SGMS1: variants seen among roughly 807,000 people sequenced by gnomAD.
SGMS1 encodes phosphatidylcholine:ceramide cholinephosphotransferase 1.
In SGMS1, 13 loss-of-function variants were observed where a neutral mutation model predicts 46.2. That is an observed-to-expected ratio of 0.28 (90% CI 0.18 to 0.45). SGMS1 has a LOEUF of 0.45. Ranked by LOEUF, SGMS1 falls within the 20% of genes least tolerant of loss-of-function variation. The pLI, the probability that SGMS1 is intolerant of heterozygous loss-of-function variation, is 1.00. For missense variants in SGMS1, 324 were observed against 519.9 expected, an observed-to-expected ratio of 0.62 and a Z score of 3.66; for synonymous variants, 203 against 187.8, an observed-to-expected ratio of 1.08 and a Z score of -0.66.
At chr10:50,467,331 G>A (rs1837339391) in intron 3 of SGMS1, among the ~76,000 whole-genome samples, 1 of 152,108 alleles carries the variant, frequency 6.6e-6, no homozygotes, top group Admixed American at 6.6e-5. Context: ...ACCACCCTGG[G>A]ATAAATTTTC....
chr10:50,382,787 G>C (rs562189889), intron 6 of SGMS1, among the ~76,000 whole-genome samples: 1 of 152,136 alleles, frequency 6.6e-6, no homozygotes, highest in Non-Finnish European at 1.5e-5. Flanking sequence ...TCATACGACT[G>C]TCACTCTGGG....
intron 8 of SGMS1, among the ~76,000 whole-genome samples, chr10:50,317,639 CTTGTTGTTG>C (rs1383375142): frequency 6.6e-6 from 1 of 152,100 alleles, no homozygotes; most frequent in African/African-American, 2.4e-5. Flanking sequence ...TTTTGTTGTT[CTTGTTGTTG>C]TTCTAATGAA....
chr10:50,582,315 A>C (rs1236967168), intron 2 of SGMS1, among the ~76,000 whole-genome samples: 1 of 152,172 alleles, frequency 6.6e-6, no homozygotes, highest in Non-Finnish European at 1.5e-5. Context: ...CTCGAGAAAA[A>C]AATCTCCTTC....
intron 6 of SGMS1, among the ~76,000 whole-genome samples, chr10:50,353,132 C>G (rs1398582441): frequency 1.3e-5 from 2 of 152,120 alleles, no homozygotes; most frequent in African/African-American, 4.8e-5. Context: ...AGAGACACAA[C>G]AAAAAAAGAG....
At chr10:50,449,909 G>A (rs1408546263) in intron 5 of SGMS1, among the ~76,000 whole-genome samples, 2 of 151,800 alleles carry the variant, frequency 1.3e-5, no homozygotes, top group Non-Finnish European at 1.5e-5. Flanking sequence ...GTCTAAAGGA[G>A]GGCCTAGAAA....
intron 2 of SGMS1, among the ~76,000 whole-genome samples, chr10:50,558,760 T>A (rs1037901330): frequency 1.3e-5 from 2 of 152,212 alleles, no homozygotes; most frequent in Admixed American, 6.5e-5. Flanking sequence ...TTTATGATGA[T>A]CCACTTCCAC....
intron 7 of SGMS1, among the ~76,000 whole-genome samples, chr10:50,332,239 C>G (rs1040176436): frequency 5.3e-5 from 8 of 152,152 alleles, no homozygotes; most frequent in Non-Finnish European, 7.4e-5. Context: ...TTGAACACAG[C>G]TTGCGAAGTC....
intron 6 of SGMS1, among the ~76,000 whole-genome samples, chr10:50,420,135 G>A (rs1360950355): frequency 4.6e-5 from 7 of 152,088 alleles, no homozygotes. Context: ...TTAGCAACAG[G>A]TACTTAAGTT....
chr10:50,311,229 G>A (rs545185249), intron 9 of SGMS1, 33 bp downstream of exon 9: 1 of 1,595,340 alleles, frequency 6.3e-7, no homozygotes, highest in East Asian at 2.2e-5. Flanking sequence ...AATGGCAGGT[G>A]AGGAAATTAC....
chr10:50,412,196 GT>G (rs946117462), intron 6 of SGMS1, among the ~76,000 whole-genome samples: 4 of 152,130 alleles, frequency 2.6e-5, no homozygotes, highest in African/African-American at 4.8e-5. Context: ...CAAGTCACAT[GT>G]TTATGTGAGG....
chr10:50,586,928 T>A (rs1422776997), intron 2 of SGMS1, among the ~76,000 whole-genome samples: 2 of 152,136 alleles, frequency 1.3e-5, no homozygotes, highest in Non-Finnish European at 2.9e-5. Flanking sequence ...ATTGTTATAT[T>A]CTCCCACAAT....
intron 6 of SGMS1, among the ~76,000 whole-genome samples, chr10:50,429,555 C>T (rs2133611604): frequency 6.6e-6 from 1 of 152,188 alleles, no homozygotes; most frequent in South Asian, 2.1e-4. Flanking sequence ...TGACATGCAT[C>T]CCCAAACTCA....
intron 3 of SGMS1, among the ~76,000 whole-genome samples, chr10:50,514,561 T>C (rs1837786052): frequency 6.6e-6 from 1 of 152,186 alleles, no homozygotes; most frequent in Non-Finnish European, 1.5e-5. Flanking sequence ...TTTTGCCATG[T>C]AAGGTAATAT....
At chr10:50,367,515 T>A (rs1364373543) in intron 6 of SGMS1, among the ~76,000 whole-genome samples, 2 of 152,076 alleles carry the variant, frequency 1.3e-5, no homozygotes, top group Non-Finnish European at 2.9e-5. Flanking sequence ...TGCTCCCATA[T>A]ATGGTTCTCC....
intron 2 of SGMS1, among the ~76,000 whole-genome samples, chr10:50,555,633 G>C (rs1326506261): frequency 6.6e-6 from 1 of 152,198 alleles, no homozygotes; most frequent in Non-Finnish European, 1.5e-5. Flanking sequence ...GTGACTCAAG[G>C]TACTGAGAAG....
At chr10:50,415,313 A>T (rs1849155467) in intron 6 of SGMS1, among the ~76,000 whole-genome samples, 1 of 152,258 alleles carries the variant, frequency 6.6e-6, no homozygotes, top group Non-Finnish European at 1.5e-5. Context: ...TCTTTTAAAA[A>T]ATGTGATCTA....
chr10:50,514,550 C>G (rs753394666), intron 3 of SGMS1, among the ~76,000 whole-genome samples: 1 of 152,146 alleles, frequency 6.6e-6, no homozygotes, highest in Non-Finnish European at 1.5e-5. Context: ...CATCTATAGT[C>G]TTTTGCCATG....
chr10:50,606,582 C>T (rs558932913), intron 1 of SGMS1, among the ~76,000 whole-genome samples: 47 of 152,268 alleles, frequency 3.1e-4, no homozygotes, highest in African/African-American at 1.1e-3. Flanking sequence ...TATTTCTATG[C>T]ATATTTAAGA....
intron 3 of SGMS1, among the ~76,000 whole-genome samples, chr10:50,509,585 T>A (rs1454014434): frequency 6.6e-6 from 1 of 152,214 alleles, no homozygotes; most frequent in Non-Finnish European, 1.5e-5. Context: ...GAAATTTGAC[T>A]GCACATTGTA....
Sources: allele counts gnomAD v4.1 joint callset (sites outside exome capture counted in the v4.1 genomes callset), GRCh38; gene constraint gnomAD v4.1.1; transcripts MANE v1.5; gene names NCBI Gene and HGNC (gene_info 2026-07-23, HGNC 2026-07-21).